The following WWOX variants were observed in gnomAD, a reference collection of about 807,000 sequenced individuals.
WWOX encodes the protein WW domain containing oxidoreductase.
WWOX carries 69 observed loss-of-function variants against 46.2 expected under a neutral mutation model. That is an observed-to-expected ratio of 1.49 (90% CI 1.23 to 1.82). The LOEUF is 1.82. Among genes scored for constraint, WWOX ranks in the 40% most tolerant of loss-of-function variants. The probability of loss-of-function intolerance (pLI) is 0.00; values close to 1 mark genes in which losing one functional copy is unlikely to be tolerated. For synonymous variants in WWOX, 359 were observed against 202.6 expected, an observed-to-expected ratio of 1.77 and a Z score of -6.56; for missense variants, 919 against 542.6, an observed-to-expected ratio of 1.69 and a Z score of -6.89.
intron 8 of WWOX, among the ~76,000 whole-genome samples, chr16:78,542,301 C>T (rs1407242277): frequency 3.3e-5 from 5 of 152,080 alleles, no homozygotes; most frequent in African/African-American, 7.2e-5. Flanking sequence ...GAGACTTTGA[C>T]TCTAGATGAC....
Position 78,985,337 on chromosome 16 carries a change from G to A in WWOX, c.1057-226271G>A, listed in dbSNP as rs189350764. The stretch of plus-strand genomic sequence containing the variant: ...CGTAAATCTGTGCCACCGGCACGCA[G>A]GGTGTTGTGTTGTCTCCAATGTGCC... On this transcript the variant is annotated intron_variant, in intron 8 of 8. Transcript: ENST00000566780. Among the ~76,000 whole-genome samples the A allele has an allele frequency of 4.7e-3, 716 of 152,314 alleles. 2 individuals carry two copies. The highest frequency in any genetic ancestry group is 0.017 in the African/African-American group (697 of 41,566).
intron 8 of WWOX, among the ~76,000 whole-genome samples, chr16:78,818,615 T>C (rs191697507): frequency 6.6e-6 from 1 of 152,290 alleles, no homozygotes; most frequent in East Asian, 1.9e-4. Flanking sequence ...CCTGTAGTCC[T>C]AGCTACTCAG....
rs1597271142 is a variant in WWOX, at chr16:78,562,411, A to G, written c.1056+129659A>G. 2.0e-5 allele frequency among the ~76,000 whole-genome samples: 3 copies of G among 152,298 alleles called. 1 individual carries two copies. The East Asian group carries it at 5.8e-4, about 29-fold the overall frequency. On this transcript the variant is annotated intron_variant, in intron 8 of 8. Transcript: ENST00000566780. ...TACAAGTTAGATTCACACTCCAGGA[A>G]TGTATCTGTTCCCACATCCCCTGAT...
In WWOX at chr16:78,723,554, CTTCTTTTCTTTTCTTTTCTTTTCTT is replaced by C. The variant is rs55748059; in HGVS notation, c.1056+290855_1056+290879del. Among the ~76,000 whole-genome samples, 495 of 108,626 alleles carry C rather than the reference CTTCTTTTCTTTTCTTTTCTTTTCTT, an allele frequency of 4.6e-3. 4 individuals are homozygous for C. Among genetic ancestry groups the C allele is most frequent in the South Asian group, 0.032 (82 of 2,566 alleles). The allele number at this position is 108,626 out of a possible 152,430, so 71.3% of individuals were successfully genotyped here. A position where few individuals can be genotyped will look rare whatever the true frequency, so the allele number is the denominator to read the frequency against. The stretch of plus-strand genomic sequence containing the variant: ...CACTTCTTCTACCTTGATTCCCAGC[CTTCTTTTCTTTTCTTTTCTTTTCTT>C]TTCTTTTCTTTTCTTTTCTTTTCTT... On this transcript the variant is annotated intron_variant, in intron 8 of 8. Coordinates refer to ENST00000566780, the MANE Select transcript of WWOX (RefSeq NM_016373.4).
intron 5 of WWOX, chr16:78,355,524 G>A: frequency 5.2e-6 from 2 of 382,312 alleles, no homozygotes; most frequent in South Asian, 4.9e-5. Context: ...ATTACTTGAT[G>A]AAACATGGCA....
chr16:78,525,352 A>AT (rs2043439754), intron 8 of WWOX: 1 of 151,492 alleles, frequency 6.6e-6, no homozygotes, highest in South Asian at 2.1e-4. Context: ...CGCCCGGCTA[A>AT]TTTTTTATAT....
chr16:78,748,580 C>T (rs563057433), intron 8 of WWOX, among the ~76,000 whole-genome samples: 18 of 152,284 alleles, frequency 1.2e-4, no homozygotes, highest in Non-Finnish European at 2.4e-4. Context: ...GATTACAATA[C>T]GTCCGTGATC....
At chr16:78,467,091 C>G (rs1440598485) in intron 8 of WWOX, among the ~76,000 whole-genome samples, 1 of 152,138 alleles carries the variant, frequency 6.6e-6, no homozygotes, top group Non-Finnish European at 1.5e-5. Context: ...ATAATGTATA[C>G]ATTGAAAAAT....
chr16:79,120,087 A>G lies in WWOX; in HGVS notation c.1057-91521A>G, dbSNP rs528506509. 3.3e-5 allele frequency among the ~76,000 whole-genome samples: 5 copies of G among 152,272 alleles called. No homozygotes were observed. In the South Asian group the frequency reaches 6.2e-4, roughly 19 times the overall value. On this transcript the variant is annotated intron_variant, in intron 8 of 8. Transcript: ENST00000566780. ...GAAGAGTGCAGTTTATTTAGATAAC[A>G]TTTTCACTTAACATCCTGCCGTTAA...
chr16:78,768,154 G>T (rs909251832), intron 8 of WWOX, among the ~76,000 whole-genome samples: 1 of 113,158 alleles, frequency 8.8e-6, no homozygotes, highest in African/African-American at 3.1e-5. Context: ...TTAGGCTGCG[G>T]GGCGGGGGGG....
intron 8 of WWOX, among the ~76,000 whole-genome samples, chr16:78,900,289 G>C (rs1234175163): frequency 6.6e-6 from 1 of 151,908 alleles, no homozygotes; most frequent in African/African-American, 2.4e-5. Flanking sequence ...TTTCCAGCCT[G>C]GTTTCTCCAT....
At chr16:78,743,045 C>G (rs57619503) in intron 8 of WWOX, among the ~76,000 whole-genome samples, 19 of 152,160 alleles carry the variant, frequency 1.2e-4, no homozygotes, top group African/African-American at 3.6e-4. Context: ...GGTTAGGTGT[C>G]TGCCGTGCTC....
intron 8 of WWOX, chr16:78,825,572 A>G (rs545178443): frequency 3.0e-4 from 161 of 534,260 alleles, no homozygotes; most frequent in East Asian, 8.1e-4. Context: ...TCTGTGTGCC[A>G]TTGCCCAGGT....
At chr16:78,846,997 T>C (rs1391236362) in intron 8 of WWOX, among the ~76,000 whole-genome samples, 2 of 152,264 alleles carry the variant, frequency 1.3e-5, no homozygotes, top group East Asian at 3.9e-4. Flanking sequence ...GTTCCGGCTT[T>C]GGCCCATAGG....
chr16:78,297,286 A>G (rs980331345), intron 5 of WWOX, among the ~76,000 whole-genome samples: 5 of 152,274 alleles, frequency 3.3e-5, no homozygotes, highest in African/African-American at 9.6e-5. Flanking sequence ...GCATGGATCA[A>G]CAGTTGCCCT....
At chr16:79,152,173 G>A (rs774590653) in intron 8 of WWOX, among the ~76,000 whole-genome samples, 1 of 152,176 alleles carries the variant, frequency 6.6e-6, no homozygotes, top group Non-Finnish European at 1.5e-5. Context: ...GAACTTGCTT[G>A]CATCCCTCCC....
At chr16:78,465,579 C>G (rs1359709981) in intron 8 of WWOX, among the ~76,000 whole-genome samples, 4 of 152,238 alleles carry the variant, frequency 2.6e-5, no homozygotes, top group Non-Finnish European at 4.4e-5. Context: ...TAGTAACTCA[C>G]ATGGACCCAT....
At chr16:78,642,291 G>C (rs1187446842) in intron 8 of WWOX, among the ~76,000 whole-genome samples, 1 of 152,162 alleles carries the variant, frequency 6.6e-6, no homozygotes, top group Non-Finnish European at 1.5e-5. Context: ...AGGAGGTGGA[G>C]GATAAAGGAT....
intron 5 of WWOX, among the ~76,000 whole-genome samples, chr16:78,357,892 C>T (rs79285376): frequency 6.6e-6 from 1 of 152,320 alleles, no homozygotes; most frequent in East Asian, 1.9e-4. Flanking sequence ...GTTAGGCTGA[C>T]TTCTGTGCCT....
Sources: allele counts gnomAD v4.1 joint callset (sites outside exome capture counted in the v4.1 genomes callset), GRCh38; gene constraint gnomAD v4.1.1; transcripts MANE v1.5; gene names NCBI Gene and HGNC (gene_info 2026-07-23, HGNC 2026-07-21).